ABTB2: variants seen among roughly 807,000 people sequenced by gnomAD.
ABTB2 encodes ankyrin repeat and BTB domain containing 2.
In ABTB2, 56 loss-of-function variants were observed where a neutral mutation model predicts 104.1. The observed-to-expected ratio is 0.54, with a 90% CI of 0.43 to 0.67. The LOEUF (loss-of-function observed/expected upper bound fraction) is 0.67. Ranked by LOEUF, ABTB2 falls within the 30% of genes least tolerant of loss-of-function variation. The pLI is 0.00. For synonymous variants in ABTB2, 606 were observed against 608.2 expected (o/e 1.00, Z 0.05); for missense variants, 1,279 against 1,407.7 (o/e 0.91, Z 1.46).
intron 9 of ABTB2, among the ~76,000 whole-genome samples, chr11:34,163,215 A>G (rs1177515888): frequency 6.6e-6 from 1 of 152,166 alleles, no homozygotes; most frequent in Non-Finnish European, 1.5e-5. Context: ...TTAAATGCAG[A>G]GCCTGAAACA....
chr11:34,185,207 C>T (rs1853081692), intron 3 of ABTB2, among the ~76,000 whole-genome samples: 1 of 152,194 alleles, frequency 6.6e-6, no homozygotes, highest in Non-Finnish European at 1.5e-5. Flanking sequence ...TAGGAAGAAG[C>T]AGTGGCGTGA....
chr11:34,312,315 G>C (rs1230547682), intron 1 of ABTB2, among the ~76,000 whole-genome samples: 2 of 152,134 alleles, frequency 1.3e-5, no homozygotes, highest in African/African-American at 2.4e-5. Context: ...ATTCATTTCA[G>C]AGGGTCTCTA....
At chr11:34,326,325 T>C (rs757714162) in intron 1 of ABTB2, among the ~76,000 whole-genome samples, 1 of 152,146 alleles carries the variant, frequency 6.6e-6, no homozygotes, top group Non-Finnish European at 1.5e-5. Flanking sequence ...TAAAACAGAA[T>C]ACTGAAAAAT....
chr11:34,220,245 T>C (rs1461056839), intron 1 of ABTB2, among the ~76,000 whole-genome samples: 1 of 152,184 alleles, frequency 6.6e-6, no homozygotes, highest in East Asian at 1.9e-4. Context: ...GAAACCGGGC[T>C]GACCTCTCAG....
chr11:34,303,730 T>C (rs1482049811), intron 1 of ABTB2, among the ~76,000 whole-genome samples: 3 of 147,800 alleles, frequency 2.0e-5, no homozygotes, highest in African/African-American at 5.1e-5. Flanking sequence ...GCAGCCTCTG[T>C]CTCCTGGGAT....
chr11:34,278,754 G>A (rs1224584295), intron 1 of ABTB2, among the ~76,000 whole-genome samples: 1 of 152,202 alleles, frequency 6.6e-6, no homozygotes, highest in East Asian at 1.9e-4. Context: ...CCGGGTAGGA[G>A]TGGGCATTTC....
chr11:34,197,479 C>T lies in ABTB2; in HGVS notation c.1090G>A (p.Ala364Thr), dbSNP rs1422599469. The T allele has an allele frequency of 2.5e-6, 4 of 1,582,372 alleles. No individual in the cohort carries two copies. The highest frequency in any genetic ancestry group is 2.6e-6 in the Non-Finnish European group (3 of 1,166,112). The part of the protein sequence containing the change: ...MQGRHPLCPG[A>T]SPARQARQPP... ...TGGCGGGCCTGGCGGGCAGGGCTGGCACCCGGGCACAGGGGGTGACGCCCC... is the reference window on the plus strand; with the variant it reads ...TGGCGGGCCTGGCGGGCAGGGCTGGTACCCGGGCACAGGGGGTGACGCCCC... The change falls in exon 3 of 17, where the codon GCC becomes ACC. Residue 364 changes from alanine (A) to threonine (T), a missense_variant. Ala to Thr is a moderately conservative substitution (Grantham distance 58). Coordinates refer to ENST00000435224, the MANE Select transcript of ABTB2 (RefSeq NM_145804.3).
intron 3 of ABTB2, among the ~76,000 whole-genome samples, chr11:34,194,853 T>G (rs893589936): frequency 6.6e-6 from 1 of 151,634 alleles, no homozygotes; most frequent in African/African-American, 2.4e-5. Flanking sequence ...CATGGAAAAA[T>G]ATCTTTGCTA....
intron 1 of ABTB2, among the ~76,000 whole-genome samples, chr11:34,282,977 C>T (rs571535681): frequency 3.3e-5 from 5 of 151,290 alleles, no homozygotes; most frequent in Admixed American, 6.6e-5. Flanking sequence ...GGCACGATCT[C>T]GGCTCACTGC....
intron 1 of ABTB2, among the ~76,000 whole-genome samples, chr11:34,332,177 C>T (rs933493114): frequency 9.2e-5 from 14 of 152,178 alleles, no homozygotes; most frequent in South Asian, 6.2e-4. Context: ...TATTCTGATG[C>T]AGCACTTAAC....
chr11:34,187,499 CTT>C (rs33924050), intron 3 of ABTB2, among the ~76,000 whole-genome samples: 2 of 140,658 alleles, frequency 1.4e-5, no homozygotes, highest in African/African-American at 2.7e-5. Context: ...TCTTCTTTGC[CTT>C]TTTTTTTTTT....
In ABTB2 at chr11:34,197,485, G is replaced by A; in HGVS notation, c.1084C>T (p.Pro362Ser). The change falls in exon 3 of 17, where the codon CCG becomes TCG. Residue 362 changes from proline (P) to serine (S), a missense_variant. Pro to Ser is a moderately conservative substitution (Grantham distance 74, BLOSUM62 -1). Coordinates refer to ENST00000435224, the MANE Select transcript of ABTB2 (RefSeq NM_145804.3). ...GCCTGGCGGGCAGGGCTGGCACCCG[G>A]GCACAGGGGGTGACGCCCCTGCATG... ...HHMQGRHPLC[P>S]GASPARQARQ... is the part of the protein sequence containing the mutation. The A allele has an allele frequency of 6.3e-7, 1 of 1,581,248 alleles. No individual in the cohort carries two copies. Among genetic ancestry groups the A allele is most frequent in the Non-Finnish European group, 8.6e-7 (1 of 1,165,954 alleles).
chr11:34,220,992 A>G (rs902706329), intron 1 of ABTB2, among the ~76,000 whole-genome samples: 6 of 151,000 alleles, frequency 4.0e-5, no homozygotes, highest in Non-Finnish European at 8.9e-5. Context: ...TTCTTTGAGA[A>G]GGAGTCTGAC....
rs539082951 is a variant in ABTB2, at chr11:34,250,356, C to T, written c.884-45666G>A. Among the ~76,000 whole-genome samples, 4 of 152,280 alleles carry T rather than the reference C, an allele frequency of 2.6e-5. No homozygotes were observed. In the East Asian group the frequency reaches 5.8e-4, roughly 22 times the overall value. On this transcript the variant is annotated intron_variant, in intron 1 of 16. Coordinates refer to ENST00000435224, the MANE Select transcript of ABTB2 (RefSeq NM_145804.3). ...AATCTGTAGGGCCAGGGAATCATCC[C>T]CAGCACCCATGAAGATGTCTGGCAT...
At chr11:34,323,149 C>T (rs1028843214) in intron 1 of ABTB2, among the ~76,000 whole-genome samples, 21 of 152,226 alleles carry the variant, frequency 1.4e-4, no homozygotes, top group African/African-American at 3.6e-4. Flanking sequence ...TCAAGTGATC[C>T]GCCTGCCTCA....
intron 2 of ABTB2, among the ~76,000 whole-genome samples, chr11:34,203,278 G>A (rs1853367135): frequency 6.6e-6 from 1 of 152,208 alleles, no homozygotes; most frequent in Non-Finnish European, 1.5e-5. Context: ...TTGTTCTGAG[G>A]AACAAATGAG....
intron 3 of ABTB2, among the ~76,000 whole-genome samples, chr11:34,187,568 G>A (rs1404957031): frequency 6.7e-6 from 1 of 150,040 alleles, no homozygotes; most frequent in East Asian, 2.0e-4. Flanking sequence ...TGAGATCATA[G>A]CTCACAGCAG....
chr11:34,215,945 G>T (rs57751423), intron 1 of ABTB2, among the ~76,000 whole-genome samples: 8,574 of 151,872 alleles, frequency 0.056, 812 homozygotes, highest in African/African-American at 0.19. Context: ...GATCCACAGT[G>T]ATTTAAAAAA....
chr11:34,250,729 A>T (rs765605918), intron 1 of ABTB2, among the ~76,000 whole-genome samples: 21 of 152,116 alleles, frequency 1.4e-4, no homozygotes, highest in Non-Finnish European at 2.4e-4. Flanking sequence ...GAGAGCACCA[A>T]CCCCAAACTT....
Sources: gnomAD v4.1 joint callset for allele counts (sites outside exome capture counted in the v4.1 genomes callset) on GRCh38, gnomAD v4.1.1 for gene constraint, MANE v1.5 for transcripts, NCBI Gene and HGNC (gene_info 2026-07-23, HGNC 2026-07-21) for gene names.